Variants in USP4 observed in about 807,000 individuals in gnomAD.
The protein encoded by USP4 is ubiquitin specific peptidase 4, also known as ubiquitin carboxyl-terminal hydrolase 4.
A neutral mutation model predicts 118.2 loss-of-function variants in USP4; 72 were observed. That is an observed-to-expected ratio of 0.61 (90% CI 0.50 to 0.74). The LOEUF is 0.74. USP4 is among the 30% of genes least tolerant of loss of function. The pLI is 0.00. For missense variants in USP4, 1,037 were observed against 1,185.7 expected, an observed-to-expected ratio of 0.87 and a Z score of 1.84; for synonymous variants, 415 against 440.4, an observed-to-expected ratio of 0.94 and a Z score of 0.72.
At chr3:49,317,434 T>C (rs1287442167) in intron 6 of USP4, 1 of 905,760 alleles carries the variant, frequency 1.1e-6, no homozygotes. Flanking sequence ...GTTGTCGTAG[T>C]TCTGCAGCGC....
intron 14 of USP4, 37 bp downstream of exon 14, chr3:49,294,370 T>C (rs753778092): frequency 5.0e-6 from 8 of 1,589,956 alleles, no homozygotes; most frequent in Non-Finnish European, 6.9e-6. Flanking sequence ...TATATCTTCA[T>C]CTCAGATAAC....
intron 1 of USP4, among the ~76,000 whole-genome samples, chr3:49,337,031 T>C (rs1288843614): frequency 6.6e-6 from 1 of 151,902 alleles, no homozygotes; most frequent in Non-Finnish European, 1.5e-5. Flanking sequence ...ACACCTGTAA[T>C]CCCAGCACTT....
intron 15 of USP4, among the ~76,000 whole-genome samples, chr3:49,289,301 C>A (rs545660041): frequency 4.6e-5 from 7 of 152,292 alleles, no homozygotes; most frequent in Non-Finnish European, 1.0e-4. Context: ...CCTTTAATCG[C>A]ATGACCTCAA....
At chr3:49,291,599 G>A (rs1375327958) in intron 15 of USP4, among the ~76,000 whole-genome samples, 5 of 149,206 alleles carry the variant, frequency 3.4e-5, no homozygotes, top group Non-Finnish European at 7.4e-5. Flanking sequence ...AAGAAAGAAA[G>A]AAAAAGAAAA....
chr3:49,307,826 A>G (rs1387521823), intron 8 of USP4, among the ~76,000 whole-genome samples: 4 of 152,078 alleles, frequency 2.6e-5, no homozygotes, highest in Admixed American at 6.6e-5. Flanking sequence ...AACAAAAAAC[A>G]TACATACAAA....
intron 14 of USP4, among the ~76,000 whole-genome samples, chr3:49,293,333 T>C (rs2047170220): frequency 6.6e-6 from 1 of 151,902 alleles, no homozygotes; most frequent in Non-Finnish European, 1.5e-5. Flanking sequence ...GCCAACACGG[T>C]GAAACCTCCT....
chr3:49,337,186 A>G (rs2047676780), intron 1 of USP4, among the ~76,000 whole-genome samples: 1 of 152,008 alleles, frequency 6.6e-6, no homozygotes, highest in South Asian at 2.1e-4. Context: ...GCTGAGGCAC[A>G]AGAATCACTT....
chr3:49,308,625 T>C (rs2047346305), intron 8 of USP4, among the ~76,000 whole-genome samples: 1 of 150,330 alleles, frequency 6.7e-6, no homozygotes, highest in South Asian at 2.2e-4. Context: ...TGCCAGTCAA[T>C]CATATTTATA....
intron 1 of USP4, among the ~76,000 whole-genome samples, chr3:49,338,397 C>G (rs2047693959): frequency 6.6e-6 from 1 of 151,980 alleles, no homozygotes; most frequent in African/African-American, 2.4e-5. Flanking sequence ...CAGTAGCTTC[C>G]GCCTGTAATC....
Position 49,297,851 on chromosome 3 carries a change from G to A in USP4, c.1691+19C>T. ...GTGTCCTCTGACCTGACCTGCAGCAGAAACTGCTGAGTACTCACACGAAAA... is the reference window on the plus strand; with the variant it reads ...GTGTCCTCTGACCTGACCTGCAGCAAAAACTGCTGAGTACTCACACGAAAA... On this transcript the variant is annotated intron_variant, in intron 13 of 21. Coordinates refer to ENST00000265560, the MANE Select transcript of USP4 (RefSeq NM_003363.4). 2 of 1,597,954 alleles carry A rather than the reference G, an allele frequency of 1.3e-6. No homozygotes were observed. The highest frequency in any genetic ancestry group is 1.7e-6 in the Non-Finnish European group (2 of 1,165,308).
At chr3:49,334,583 CA>C (rs952385973) in intron 2 of USP4, among the ~76,000 whole-genome samples, 1 of 152,070 alleles carries the variant, frequency 6.6e-6, no homozygotes, top group Non-Finnish European at 1.5e-5. Flanking sequence ...CCGTCTCTAC[CA>C]AAAAACTTAA....
chr3:49,297,420 C>T (rs1274072824), intron 13 of USP4, among the ~76,000 whole-genome samples: 1 of 152,160 alleles, frequency 6.6e-6, no homozygotes, highest in East Asian at 1.9e-4. Flanking sequence ...TTTAAATCAG[C>T]CCTGTCATTT....
Position 49,292,505 on chromosome 3 carries a change from C to T in USP4, c.1972+5G>A. 2 of 1,560,568 alleles carry T rather than the reference C, an allele frequency of 1.3e-6. No individual in the cohort carries two copies. The highest frequency in any genetic ancestry group is 1.2e-5 in the South Asian group (1 of 84,408). On this transcript the variant is annotated splice_donor_5th_base_variant and intron_variant, in intron 15 of 21. Transcript: ENST00000265560. ...TCACAGCCACAGAGCATGGTGCATA[C>T]TCACCTTCACAGCTGTTCCTGGAGC...
At chr3:49,324,787 G>A in intron 5 of USP4, 24 bp from the exon 6 acceptor site, 1 of 1,613,934 alleles carries the variant, frequency 6.2e-7, no homozygotes, top group African/African-American at 1.3e-5. Flanking sequence ...GAAACCAAAT[G>A]AGGAGAGTTC....
chr3:49,303,416 G>A (rs1403663372), intron 9 of USP4, among the ~76,000 whole-genome samples: 1 of 146,148 alleles, frequency 6.8e-6, no homozygotes, highest in African/African-American at 2.6e-5. Flanking sequence ...GCTCCAGCCT[G>A]GGCGACATAG....
chr3:49,300,623 A>G lies in USP4; in HGVS notation c.1356T>C (p.His452=). 1 of 1,614,238 alleles carries G rather than the reference A, an allele frequency of 6.2e-7. No individual in the cohort carries two copies. Among genetic ancestry groups the G allele is most frequent in the Non-Finnish European group, 8.5e-7 (1 of 1,180,050 alleles). The stretch of plus-strand genomic sequence containing the variant: ...AAACCAAAGTAGATTTGAAGAGGCC[A>G]TGGAAAGTATCCACAATCACAGAAT... ...RNDSVIVDTF[H]GLFKSTLVCP... The change falls in exon 11 of 22, where the codon CAT becomes CAC. Residue 452 remains histidine (H), a synonymous_variant. Transcript: ENST00000265560.
intron 8 of USP4, among the ~76,000 whole-genome samples, chr3:49,310,244 A>G (rs547983585): frequency 6.6e-6 from 1 of 152,234 alleles, no homozygotes; most frequent in East Asian, 1.9e-4. Context: ...ATTTTTAGTG[A>G]AAAGGTAGTC....
intron 6 of USP4, among the ~76,000 whole-genome samples, chr3:49,320,726 C>T (rs1237042999): frequency 6.6e-6 from 1 of 152,158 alleles, no homozygotes; most frequent in Non-Finnish European, 1.5e-5. Flanking sequence ...ATTCAGCCTC[C>T]TTATTTCAGG....
Position 49,278,237 on chromosome 3 carries a change from TG to T in USP4, c.*55del. On this transcript the variant is annotated 3_prime_UTR_variant, in exon 22 of 22. Transcript: ENST00000265560. ...CTAGCAGTCTGCAGAGTGTCAAAGATGTTCTCCTGGGGGATTACACTGGCGC... is the reference window on the plus strand; with the variant it reads ...CTAGCAGTCTGCAGAGTGTCAAAGATTTCTCCTGGGGGATTACACTGGCGC... 6.3e-7 allele frequency: 1 copy of T among 1,578,218 alleles called. No individual in the cohort carries two copies. The highest frequency in any genetic ancestry group is 8.6e-7 in the Non-Finnish European group (1 of 1,163,748).
Sources: allele counts gnomAD v4.1 joint callset (sites outside exome capture counted in the v4.1 genomes callset), GRCh38; gene constraint gnomAD v4.1.1; transcripts MANE v1.5; gene names NCBI Gene and HGNC (gene_info 2026-07-23, HGNC 2026-07-21).